Variants in GPHN observed in about 807,000 individuals in gnomAD.
GPHN encodes the protein gephyrin.
A neutral mutation model predicts 95.5 loss-of-function variants in GPHN; 17 were observed. The ratio of observed to expected loss-of-function variants is 0.18; its 90% confidence interval spans 0.12 to 0.27. The LOEUF (loss-of-function observed/expected upper bound fraction) is 0.27, where lower values mean the gene tolerates loss of function less well. Among genes scored for constraint, GPHN ranks in the 10% least tolerant of loss-of-function variants. The pLI, the probability that GPHN is intolerant of heterozygous loss-of-function variation, is 1.00. For synonymous variants in GPHN, 320 were observed against 322.5 expected (o/e 0.99, Z 0.08); for missense variants, 660 against 978.1 (o/e 0.67, Z 4.34).
chr14:67,200,380 T>C, the GPHN span: 4 of 605,308 alleles, frequency 6.6e-6, no homozygotes, highest in Non-Finnish European at 1.2e-5. Context: ...TTCGATACCT[T>C]GGACCAATCA....
chr14:67,555,368 A>G, the GPHN span, among the ~76,000 whole-genome samples: 1 of 152,210 alleles, frequency 6.6e-6, no homozygotes, highest in Non-Finnish European at 1.5e-5. Context: ...ATCCCCAACC[A>G]GTGAGATATT....
intron 1 of GPHN, among the ~76,000 whole-genome samples, chr14:66,621,721 C>T (rs762143436): frequency 5.9e-5 from 9 of 152,224 alleles, no homozygotes; most frequent in African/African-American, 1.2e-4. Context: ...CGCACCCAGC[C>T]GGCTGTGAAA....
chr14:67,315,946 TA>T, the GPHN span, among the ~76,000 whole-genome samples: 1 of 152,240 alleles, frequency 6.6e-6, no homozygotes, highest in South Asian at 2.1e-4. Context: ...AGGCTTCCTT[TA>T]ATGCTTCTTA....
chr14:67,221,964 T>C, the GPHN span: 4 of 872,516 alleles, frequency 4.6e-6, no homozygotes, highest in South Asian at 4.3e-5. Context: ...GAGAATCCTA[T>C]ACTGAAGAAA....
At position 66,896,711 on chromosome 14, in the gene GPHN, G is replaced by A. The variant is rs530981269; in HGVS notation, c.389+16678G>A. 2.5e-4 allele frequency among the ~76,000 whole-genome samples: 38 copies of A among 151,944 alleles called. No individual in the cohort carries two copies. The South Asian group carries it at 7.9e-3, about 32-fold the overall frequency. Reference sequence around the variant, plus strand: ...AACTTATTAGGGTAATCACTAAAAGGATGGACGGAGTATACAACTTCCAGA... The same window carrying A: ...AACTTATTAGGGTAATCACTAAAAGAATGGACGGAGTATACAACTTCCAGA... On this transcript the variant is annotated intron_variant, in intron 5 of 22. Transcript: ENST00000478722.
chr14:66,832,323 T>G (rs995969038), intron 4 of GPHN, among the ~76,000 whole-genome samples: 2 of 152,214 alleles, frequency 1.3e-5, no homozygotes, highest in Non-Finnish European at 2.9e-5. Context: ...TCTTTGTAGA[T>G]GCTCAGTATT....
chr14:67,551,468 A>T, the GPHN span, among the ~76,000 whole-genome samples: 2,041 of 152,180 alleles, frequency 0.013, 28 homozygotes, highest in Non-Finnish European at 0.022. Flanking sequence ...TTATATATAT[A>T]TATTTTTTAC....
At chr14:67,140,252 C>G (rs1412646216) in intron 17 of GPHN, among the ~76,000 whole-genome samples, 2 of 152,020 alleles carry the variant, frequency 1.3e-5, no homozygotes, top group Admixed American at 6.5e-5. Context: ...GGCATGTTGG[C>G]AGGCACCTGT....
At chr14:66,751,340 A>C (rs903260743) in intron 2 of GPHN, among the ~76,000 whole-genome samples, 5 of 151,860 alleles carry the variant, frequency 3.3e-5, no homozygotes, top group African/African-American at 1.2e-4. Flanking sequence ...TTTCTCTGCA[A>C]CCTCACCAGC....
the GPHN span, among the ~76,000 whole-genome samples, chr14:67,732,093 C>T: frequency 4.8e-5 from 7 of 147,192 alleles, no homozygotes; most frequent in African/African-American, 1.8e-4. Context: ...CTCCACTGCA[C>T]TCCAGCCTGG....
the GPHN span, chr14:67,393,391 G>C: frequency 1.0e-5 from 7 of 681,780 alleles, no homozygotes; most frequent in South Asian, 1.2e-4. Context: ...GCAGCCTTTT[G>C]AATGGCAAGA....
At chr14:67,575,385 C>T in the GPHN span, 1 of 1,581,470 alleles carries the variant, frequency 6.3e-7, no homozygotes, top group Non-Finnish European at 8.7e-7. Context: ...TCATTTCTGT[C>T]TTACAGGTAA....
chr14:66,694,526 A>G (rs2067995484), intron 2 of GPHN, among the ~76,000 whole-genome samples: 1 of 152,202 alleles, frequency 6.6e-6, no homozygotes, highest in South Asian at 2.1e-4. Context: ...GCTTTAAAAA[A>G]TTGAATCTGG....
chr14:66,581,493 T>C (rs928491998), intron 1 of GPHN, among the ~76,000 whole-genome samples: 4 of 151,808 alleles, frequency 2.6e-5, no homozygotes, highest in African/African-American at 9.7e-5. Context: ...GAAGAAAGAA[T>C]TACAAAACAA....
intron 2 of GPHN, among the ~76,000 whole-genome samples, chr14:66,767,987 A>G (rs1287708747): frequency 6.6e-6 from 1 of 151,980 alleles, no homozygotes; most frequent in African/African-American, 2.4e-5. Context: ...AAACAATATA[A>G]ATAATAGTAC....
the GPHN span, chr14:67,579,036 T>C: frequency 0.28 from 225,426 of 796,948 alleles, 32,648 homozygotes; most frequent in Non-Finnish European, 0.31. Flanking sequence ...CTGCCCCAGC[T>C]ACAGTTTTGG....
chr14:67,645,214 A>G, the GPHN span, among the ~76,000 whole-genome samples: 12 of 149,034 alleles, frequency 8.1e-5, no homozygotes, highest in Admixed American at 2.0e-4. Flanking sequence ...GGGTGTGACT[A>G]TTTTGCCCAG....
At chr14:67,200,119 C>T in the GPHN span, 26 of 1,065,286 alleles carry the variant, frequency 2.4e-5, no homozygotes, top group South Asian at 3.1e-4. Context: ...CATGCCCCCC[C>T]GAAGGCCTCC....
At chr14:66,841,029 ATATAGG>A (rs1234404726) in intron 4 of GPHN, among the ~76,000 whole-genome samples, 32 of 124,074 alleles carry the variant, frequency 2.6e-4, no homozygotes, top group African/African-American at 7.8e-4. Flanking sequence ...ATAGATATAG[ATATAGG>A]TATAGATATA....
Sources: allele counts gnomAD v4.1 joint callset (sites outside exome capture counted in the v4.1 genomes callset), GRCh38; gene constraint gnomAD v4.1.1; transcripts MANE v1.5; gene names NCBI Gene and HGNC (gene_info 2026-07-23, HGNC 2026-07-21).